The following NALF1 variants were observed in gnomAD, a reference collection of about 807,000 sequenced individuals.
NALF1 encodes the protein NALCN channel auxiliary factor 1.
A neutral mutation model predicts 48.4 loss-of-function variants in NALF1; 3 were observed. That is an observed-to-expected ratio of 0.06 (90% CI 0.03 to 0.16). The LOEUF is 0.16. Ranked by LOEUF, NALF1 falls within the 10% of genes least tolerant of loss-of-function variation. The pLI is 1.00. For missense variants in NALF1, 526 were observed against 571.5 expected (o/e 0.92, Z 0.81); for synonymous variants, 262 against 245.7 (o/e 1.07, Z -0.62).
intron 1 of NALF1, among the ~76,000 whole-genome samples, chr13:107,669,607 A>C (rs1395524664): frequency 6.6e-6 from 1 of 152,178 alleles, no homozygotes; most frequent in Non-Finnish European, 1.5e-5. Flanking sequence ...GTGTGAGCTC[A>C]TCACAAAGGT....
chr13:107,474,265 A>T (rs1451439891), intron 1 of NALF1, among the ~76,000 whole-genome samples: 1 of 152,226 alleles, frequency 6.6e-6, no homozygotes, highest in Non-Finnish European at 1.5e-5. Context: ...CTGGAATGTT[A>T]CAGCCAAATA....
chr13:107,182,898 G>A (rs1879096154), intron 2 of NALF1, among the ~76,000 whole-genome samples: 4 of 152,054 alleles, frequency 2.6e-5, no homozygotes, highest in Admixed American at 2.6e-4. Flanking sequence ...AGCTAATTTA[G>A]GCAAACAAAA....
chr13:107,388,130 A>T (rs148014132), intron 1 of NALF1, among the ~76,000 whole-genome samples: 193 of 152,350 alleles, frequency 1.3e-3, no homozygotes, highest in African/African-American at 4.1e-3. Flanking sequence ...TTATTAAAAG[A>T]TCAGAGGCAT....
rs147306348 is a variant in NALF1, at chr13:107,499,616, C to T, written c.916-288861G>A. 6.4e-3 allele frequency among the ~76,000 whole-genome samples: 970 copies of T among 152,240 alleles called. 16 individuals carry two copies. Among genetic ancestry groups the T allele is most frequent in the Middle Eastern group, 0.01 (3 of 294 alleles). On this transcript the variant is annotated intron_variant, in intron 1 of 2. Transcript: ENST00000375915. ...CACATGATCTTAAGTCACTATTATA[C>T]TATTTCAATAATATATTTTACAGTA...
intron 1 of NALF1, among the ~76,000 whole-genome samples, chr13:107,717,934 G>C (rs1239157588): frequency 1.3e-5 from 2 of 151,936 alleles, no homozygotes; most frequent in East Asian, 3.9e-4. Flanking sequence ...TCCCCAACTC[G>C]CTGGTCCACA....
At chr13:107,513,385 A>G (rs1875957547) in intron 1 of NALF1, among the ~76,000 whole-genome samples, 1 of 152,166 alleles carries the variant, frequency 6.6e-6, no homozygotes, top group Non-Finnish European at 1.5e-5. Context: ...TATGCTACAC[A>G]TCCTTCTCCC....
intron 1 of NALF1, among the ~76,000 whole-genome samples, chr13:107,355,052 G>A (rs546570812): frequency 2.6e-5 from 4 of 152,304 alleles, no homozygotes; most frequent in South Asian, 2.1e-4. Context: ...GGAGGCTGCA[G>A]GGGGCATCTG....
intron 1 of NALF1, among the ~76,000 whole-genome samples, chr13:107,644,736 T>TATAAGGAAACTGTTCATA (rs1171530943): frequency 6.7e-6 from 1 of 149,530 alleles, no homozygotes; most frequent in Non-Finnish European, 1.5e-5. Flanking sequence ...GTCTAAAACA[T>TATAAGGAAACTGTTCATA]GGTCTTAAAC....
In NALF1 at chr13:107,181,840, G is replaced by A. The variant is rs76192078; in HGVS notation, c.1088-11054C>T. Among the ~76,000 whole-genome samples, 338 of 152,020 alleles carry A rather than the reference G, an allele frequency of 2.2e-3. 1 individual carries two copies. Among genetic ancestry groups the A allele is most frequent in the African/African-American group, 7.5e-3 (311 of 41,518 alleles). ...TAGGAAAAATATGACATTCTTTGTC[G>A]TTATAAAGTGCAATTATTGGTTTAT... is the stretch of plus-strand genomic sequence containing the variant. On this transcript the variant is annotated intron_variant, in intron 2 of 2. Coordinates refer to ENST00000375915, the MANE Select transcript of NALF1 (RefSeq NM_001080396.3).
chr13:107,543,875 G>A (rs1877064172), intron 1 of NALF1, among the ~76,000 whole-genome samples: 1 of 151,978 alleles, frequency 6.6e-6, no homozygotes, highest in South Asian at 2.1e-4. Flanking sequence ...GCGATTCAGA[G>A]GTGCAGAGAA....
intron 1 of NALF1, among the ~76,000 whole-genome samples, chr13:107,237,909 G>A (rs1880386724): frequency 6.6e-6 from 1 of 152,158 alleles, no homozygotes; most frequent in African/African-American, 2.4e-5. Flanking sequence ...CCCTATCTCA[G>A]CAGAGAGATT....
At chr13:107,677,881 A>C (rs1189495048) in intron 1 of NALF1, among the ~76,000 whole-genome samples, 1 of 152,218 alleles carries the variant, frequency 6.6e-6, no homozygotes, top group Non-Finnish European at 1.5e-5. Context: ...TGGTTGAAGG[A>C]AGCTTGAGTT....
intron 1 of NALF1, among the ~76,000 whole-genome samples, chr13:107,463,840 A>G (rs1394768342): frequency 6.6e-6 from 1 of 152,236 alleles, no homozygotes; most frequent in Non-Finnish European, 1.5e-5. Flanking sequence ...CCTTACATCA[A>G]ATCAGAAACT....
In NALF1 at chr13:107,163,930, C is replaced by A. The variant is rs1210959376; in HGVS notation, c.*6567G>T. Reference sequence around the variant, plus strand: ...AAGAAAGCAAGAGGTTTTCTTTTAACGTCCATATAGAGCTTTAACTTTTGC... The same window carrying A: ...AAGAAAGCAAGAGGTTTTCTTTTAAAGTCCATATAGAGCTTTAACTTTTGC... On this transcript the variant is annotated 3_prime_UTR_variant, in exon 3 of 3. Coordinates refer to ENST00000375915, the MANE Select transcript of NALF1 (RefSeq NM_001080396.3). The A allele has an allele frequency of 6.6e-6, 1 of 152,104 alleles. No individual in the cohort carries two copies. The highest frequency in any genetic ancestry group is 1.5e-5 in the Non-Finnish European group (1 of 68,004). The allele number at this position is 152,104 out of a possible 1,614,324, so 9.4% of individuals were successfully genotyped here. A position where few individuals can be genotyped will look rare whatever the true frequency, so the allele number is the denominator to read the frequency against.
At chr13:107,203,342 C>T (rs1220976475) in intron 2 of NALF1, among the ~76,000 whole-genome samples, 1 of 152,166 alleles carries the variant, frequency 6.6e-6, no homozygotes, top group Admixed American at 6.5e-5. Context: ...GTGTTATCGC[C>T]TCCTGGCTGT....
At chr13:107,681,679 C>T (rs1029910190) in intron 1 of NALF1, among the ~76,000 whole-genome samples, 3 of 152,042 alleles carry the variant, frequency 2.0e-5, no homozygotes, top group African/African-American at 7.2e-5. Flanking sequence ...CACTTAACGC[C>T]GACATCTGGA....
intron 1 of NALF1, among the ~76,000 whole-genome samples, chr13:107,547,887 G>A (rs1476484325): frequency 6.6e-6 from 1 of 152,204 alleles, no homozygotes. Context: ...ACCAGCAGTA[G>A]TAGCACAAGT....
intron 1 of NALF1, among the ~76,000 whole-genome samples, chr13:107,516,724 A>G (rs1998525): frequency 0.67 from 101,221 of 152,008 alleles, 35,300 homozygotes; most frequent in Middle Eastern, 0.81. Context: ...CAGCTTTCCA[A>G]ATTGAGCACT....
intron 1 of NALF1, among the ~76,000 whole-genome samples, chr13:107,215,861 C>T (rs1332602396): frequency 2.0e-5 from 3 of 152,114 alleles, no homozygotes; most frequent in African/African-American, 7.2e-5. Flanking sequence ...AGAAGGTCAG[C>T]TTCTCATTAC....
Sources: gnomAD v4.1 joint callset for allele counts (sites outside exome capture counted in the v4.1 genomes callset) on GRCh38, gnomAD v4.1.1 for gene constraint, MANE v1.5 for transcripts, NCBI Gene and HGNC (gene_info 2026-07-23, HGNC 2026-07-21) for gene names.